The following RELCH variants were observed in gnomAD, a reference collection of about 807,000 sequenced individuals.
RELCH encodes RAB11-binding protein RELCH.
A neutral mutation model predicts 150.3 loss-of-function variants in RELCH; 41 were observed. That is an observed-to-expected ratio of 0.27 (90% CI 0.21 to 0.35). RELCH has a LOEUF of 0.35. Among genes scored for constraint, RELCH ranks in the 10% least tolerant of loss-of-function variants. The pLI is 1.00. For synonymous variants in RELCH, 478 were observed against 531.8 expected (o/e 0.90, Z 1.39); for missense variants, 1,092 against 1,467.8 (o/e 0.74, Z 4.18).
intron 15 of RELCH, among the ~76,000 whole-genome samples, chr18:62,259,071 G>T (rs1441131172): frequency 5.3e-5 from 8 of 150,864 alleles, no homozygotes; most frequent in African/African-American, 2.0e-4. Context: ...TTTAACTGTG[G>T]TTATTCCACT....
chr18:62,306,871 G>C lies in RELCH; in HGVS notation c.*1337G>C, dbSNP rs1344785068. 1 of 152,720 alleles carries C rather than the reference G, an allele frequency of 6.5e-6. No homozygotes were observed. Among genetic ancestry groups the C allele is most frequent in the South Asian group, 2.1e-4 (1 of 4,830 alleles). 9.5% of individuals were successfully genotyped at this position (152,720 alleles called of 1,614,324 possible). A position where few individuals can be genotyped will look rare whatever the true frequency, so the allele number is the denominator to read the frequency against. On this transcript the variant is annotated 3_prime_UTR_variant, in exon 29 of 29. Coordinates refer to ENST00000644646, the MANE Select transcript of RELCH (RefSeq NM_001346231.2). ...GGTTTAATACATTTGGAACATAGTT[G>C]GATTACATTCATTTCCTGGGAAAGC...
At chr18:62,280,557 A>G in intron 23 of RELCH, 89 bp from the exon 24 acceptor site, 2 of 1,287,590 alleles carry the variant, frequency 1.6e-6, no homozygotes, top group Non-Finnish European at 2.3e-6. Context: ...AATACAGTAT[A>G]TTTACCTTGT....
At chr18:62,275,849 T>G (rs181710179) in intron 22 of RELCH, among the ~76,000 whole-genome samples, 170 of 152,292 alleles carry the variant, frequency 1.1e-3, no homozygotes, top group Admixed American at 2.9e-3. Flanking sequence ...ATAGTTGAAT[T>G]TATCAGTAGC....
chr18:62,198,202 T>G (rs2039176308), intron 1 of RELCH, among the ~76,000 whole-genome samples: 1 of 152,246 alleles, frequency 6.6e-6, no homozygotes, highest in Non-Finnish European at 1.5e-5. Context: ...GTAGGATATC[T>G]GGGCAAAGCC....
intron 10 of RELCH, among the ~76,000 whole-genome samples, chr18:62,240,887 A>G (rs1271869894): frequency 6.6e-6 from 1 of 151,946 alleles, no homozygotes; most frequent in Non-Finnish European, 1.5e-5. Context: ...GATCTTGTGG[A>G]GTTCTAAATA....
intron 1 of RELCH, among the ~76,000 whole-genome samples, chr18:62,208,374 T>A (rs892984869): frequency 2.6e-5 from 4 of 151,010 alleles, no homozygotes; most frequent in South Asian, 2.1e-4. Context: ...AAAAAAAAAA[T>A]TTAATTCTGA....
chr18:62,277,829 A>T, intron 22 of RELCH: 1 of 863,358 alleles, frequency 1.2e-6, no homozygotes, highest in Non-Finnish European at 1.4e-6. Context: ...ATGTTATAAT[A>T]AATTTCCCAA....
intron 2 of RELCH, among the ~76,000 whole-genome samples, chr18:62,214,251 T>C (rs1599859079): frequency 6.6e-6 from 1 of 152,190 alleles, no homozygotes; most frequent in East Asian, 1.9e-4. Flanking sequence ...GTACCATGGC[T>C]TGTTATTGAA....
At chr18:62,257,870 A>T in intron 13 of RELCH, 78 bp from the exon 14 acceptor site, 1 of 1,099,560 alleles carries the variant, frequency 9.1e-7, no homozygotes, top group Non-Finnish European at 1.3e-6. Context: ...GATTTTGACC[A>T]CACTGATGTT....
At chr18:62,281,883 T>C (rs960001462) in intron 24 of RELCH, among the ~76,000 whole-genome samples, 3 of 152,222 alleles carry the variant, frequency 2.0e-5, no homozygotes, top group African/African-American at 7.2e-5. Flanking sequence ...AAAATAAAAA[T>C]GTCTTTTAGG....
chr18:62,301,768 A>G (rs1268824038), intron 28 of RELCH, among the ~76,000 whole-genome samples: 1 of 152,204 alleles, frequency 6.6e-6, no homozygotes, highest in African/African-American at 2.4e-5. Flanking sequence ...GGTGGAAGAG[A>G]TGAGAAAGCT....
At chr18:62,267,344 G>A (rs2043617226) in intron 19 of RELCH, among the ~76,000 whole-genome samples, 4 of 151,426 alleles carry the variant, frequency 2.6e-5, no homozygotes. Flanking sequence ...TGGAACATGT[G>A]TAGCACCCCC....
chr18:62,286,382 A>T (rs2044795377), intron 25 of RELCH, among the ~76,000 whole-genome samples: 1 of 152,096 alleles, frequency 6.6e-6, no homozygotes, highest in Admixed American at 6.5e-5. Context: ...AAAAATGATC[A>T]TTGTTATTCT....
chr18:62,214,491 T>G (rs1164801062), intron 2 of RELCH, among the ~76,000 whole-genome samples: 3 of 152,188 alleles, frequency 2.0e-5, no homozygotes, highest in African/African-American at 7.2e-5. Context: ...TCCTGCAAGC[T>G]GGTAGCTCTG....
chr18:62,228,955 GTAGTTGCCTATGT>G (rs2041384136), intron 8 of RELCH, among the ~76,000 whole-genome samples: 1 of 151,926 alleles, frequency 6.6e-6, no homozygotes, highest in African/African-American at 2.4e-5. Context: ...TTGATGCTGC[GTAGTTGCCTATGT>G]TAAAGAAGGA....
rs1861547582 is a variant in RELCH, at chr18:62,306,497, C to A, written c.*963C>A. On this transcript the variant is annotated 3_prime_UTR_variant, in exon 29 of 29. Coordinates refer to ENST00000644646, the MANE Select transcript of RELCH (RefSeq NM_001346231.2). ...TCATTCTGTGTGTTACAGAGAAGTA[C>A]TGAAAAGTTAAGGACACTTGGGGGC... 6.6e-6 allele frequency: 1 copy of A among 152,096 alleles called. No homozygotes were observed. The highest frequency in any genetic ancestry group is 6.5e-5 in the Admixed American group (1 of 15,270). 9.4% of individuals were successfully genotyped at this position (152,096 alleles called of 1,614,324 possible). A position where few individuals can be genotyped will look rare whatever the true frequency, so the allele number is the denominator to read the frequency against.
At chr18:62,286,383 TTGTTA>T (rs1393328608) in intron 25 of RELCH, among the ~76,000 whole-genome samples, 2 of 152,152 alleles carry the variant, frequency 1.3e-5, no homozygotes, top group Non-Finnish European at 2.9e-5. Context: ...AAAATGATCA[TTGTTA>T]TTCTGAGTTT....
chr18:62,237,436 G>A (rs1359726929), intron 10 of RELCH, among the ~76,000 whole-genome samples: 1 of 151,682 alleles, frequency 6.6e-6, no homozygotes, highest in African/African-American at 2.4e-5. Flanking sequence ...GAGATACTTT[G>A]TGCATGTATA....
intron 17 of RELCH, 145 bp downstream of exon 17, chr18:62,264,290 C>T: frequency 1.6e-6 from 1 of 614,392 alleles, no homozygotes; most frequent in South Asian, 2.1e-5. Flanking sequence ...GGATTCACAC[C>T]ATTGGATATG....
Sources: allele counts gnomAD v4.1 joint callset (sites outside exome capture counted in the v4.1 genomes callset), GRCh38; gene constraint gnomAD v4.1.1; transcripts MANE v1.5; gene names NCBI Gene and HGNC (gene_info 2026-07-23, HGNC 2026-07-21).